ZFHX3: variants seen among roughly 807,000 people sequenced by gnomAD.
The protein encoded by ZFHX3 is zinc finger homeobox 3, also known as zinc finger homeobox protein 3.
ZFHX3 carries 42 observed loss-of-function variants against 279.1 expected under a neutral mutation model. The ratio of observed to expected loss-of-function variants is 0.15; its 90% CI spans 0.12 to 0.19. ZFHX3 has a LOEUF of 0.19. Among genes scored for constraint, ZFHX3 ranks in the 10% least tolerant of loss-of-function variants. The probability of loss-of-function intolerance (pLI) is 1.00; values close to 1 mark genes in which losing one functional copy is unlikely to be tolerated. For synonymous variants in ZFHX3, 2,293 were observed against 1,957.8 expected (o/e 1.17, Z -4.52); for missense variants, 4,981 against 4,754.0 (o/e 1.05, Z -1.40).
At chr16:72,813,942 A>C (rs1189161518) in intron 5 of ZFHX3, among the ~76,000 whole-genome samples, 2 of 152,150 alleles carry the variant, frequency 1.3e-5, no homozygotes, top group African/African-American at 2.4e-5. Flanking sequence ...GGAGTCCTTA[A>C]TTAATGTTTC....
intron 1 of ZFHX3, among the ~76,000 whole-genome samples, chr16:73,037,956 A>G (rs532316426): frequency 6.8e-4 from 104 of 152,340 alleles, no homozygotes; most frequent in African/African-American, 2.5e-3. Context: ...TTATCTGGGA[A>G]GCTGCACACC....
Position 72,858,803 on chromosome 16 carries a change from A to G in ZFHX3, c.3449-28944T>C, listed in dbSNP as rs2037814985. ...CACGAGCTGCCGCAACCTGGGCGAC[A>G]CAGAGGGCAGAGCCCCAGGCCCTGC... On this transcript the variant is annotated intron_variant, in intron 4 of 9. Coordinates refer to ENST00000268489, the MANE Select transcript of ZFHX3 (RefSeq NM_006885.4). 3.3e-5 allele frequency among the ~76,000 whole-genome samples: 5 copies of G among 152,354 alleles called. No homozygotes were observed. In the South Asian group the frequency reaches 1.0e-3, roughly 32 times the overall value.
At chr16:73,206,690 T>A (rs2011816883) in intron 5 of ZFHX3, among the ~76,000 whole-genome samples, 2 of 152,110 alleles carry the variant, frequency 1.3e-5, no homozygotes, top group Admixed American at 1.3e-4. Context: ...ATGGCCACCA[T>A]CTCGATATAC....
At chr16:73,327,556 G>C (rs536517268) in intron 3 of ZFHX3, among the ~76,000 whole-genome samples, 10 of 152,302 alleles carry the variant, frequency 6.6e-5, no homozygotes, top group Admixed American at 5.2e-4. Context: ...TCCTTACAAA[G>C]GTGGCACCTG....
At chr16:73,399,074 C>T (rs956573617) in intron 3 of ZFHX3, among the ~76,000 whole-genome samples, 23 of 141,210 alleles carry the variant, frequency 1.6e-4, no homozygotes, top group Admixed American at 5.8e-4. Context: ...ATCGGGGTTT[C>T]GCCATGTTGG....
chr16:73,725,990 G>C (rs1022295815), intron 1 of ZFHX3, among the ~76,000 whole-genome samples: 1 of 152,094 alleles, frequency 6.6e-6, no homozygotes, highest in Non-Finnish European at 1.5e-5. Flanking sequence ...AAATAAATAG[G>C]TTTCATTGCT....
chr16:73,836,460 C>T (rs892908733), intron 1 of ZFHX3, among the ~76,000 whole-genome samples: 1 of 152,236 alleles, frequency 6.6e-6, no homozygotes, highest in East Asian at 1.9e-4. Flanking sequence ...GGGATAGATT[C>T]AGGACTTGAG....
At chr16:73,571,647 T>TTA (rs1555525464) in intron 2 of ZFHX3, among the ~76,000 whole-genome samples, 1 of 151,792 alleles carries the variant, frequency 6.6e-6, no homozygotes, top group Non-Finnish European at 1.5e-5. Flanking sequence ...TAATTTTTTT[T>TTA]AAAAAACCTT....
At chr16:72,945,677 A>C (rs538878209) in intron 3 of ZFHX3, among the ~76,000 whole-genome samples, 17 of 152,220 alleles carry the variant, frequency 1.1e-4, no homozygotes, top group Non-Finnish European at 2.1e-4. Context: ...AAACAAAAAA[A>C]ATAGTCTAAT....
chr16:72,978,513 C>A (rs1962452062), intron 1 of ZFHX3, among the ~76,000 whole-genome samples: 1 of 152,170 alleles, frequency 6.6e-6, no homozygotes, highest in South Asian at 2.1e-4. Context: ...CACTCCCTGA[C>A]CGAGGTCTCG....
chr16:73,704,530 C>T (rs913903627), intron 1 of ZFHX3, among the ~76,000 whole-genome samples: 1 of 152,220 alleles, frequency 6.6e-6, no homozygotes, highest in African/African-American at 2.4e-5. Flanking sequence ...CTGTACTGCA[C>T]ATAAGACACT....
At chr16:73,015,040 C>CTTTTTTTTT (rs67778248) in intron 1 of ZFHX3, 3 of 95,122 alleles carry the variant, frequency 3.2e-5, no homozygotes, top group Admixed American at 2.2e-4. Context: ...AGAGCTGTGT[C>CTTTTTTTTT]TTTTTTTTTT....
At chr16:73,888,800 G>T (rs1384035117) in intron 1 of ZFHX3, among the ~76,000 whole-genome samples, 3 of 152,070 alleles carry the variant, frequency 2.0e-5, no homozygotes. Flanking sequence ...ATTCAGAGAG[G>T]CTGGGGTCCA....
chr16:72,925,760 T>G (rs1959416308), intron 3 of ZFHX3, among the ~76,000 whole-genome samples: 1 of 152,242 alleles, frequency 6.6e-6, no homozygotes, highest in African/African-American at 2.4e-5. Context: ...TCGGGCCTAC[T>G]CCTTCCCTGA....
intron 3 of ZFHX3, among the ~76,000 whole-genome samples, chr16:73,345,799 T>TTGA (rs751890494): frequency 8.2e-4 from 125 of 152,206 alleles, no homozygotes; most frequent in Admixed American, 1.2e-3. Context: ...CAATATGACG[T>TTGA]TGATCTGTGA....
chr16:73,189,965 T>G (rs1351910847), intron 5 of ZFHX3, among the ~76,000 whole-genome samples: 1 of 152,110 alleles, frequency 6.6e-6, no homozygotes, highest in African/African-American at 2.4e-5. Flanking sequence ...ACTAAAAGTC[T>G]AAAGACACAC....
intron 1 of ZFHX3, chr16:73,058,480 AGGCGGC>A (rs532746572): frequency 3.1e-5 from 5 of 159,076 alleles, no homozygotes; most frequent in Admixed American, 2.9e-4. Flanking sequence ...GAGGAGGAGC[AGGCGGC>A]GGCGGCGGCG....
chr16:73,419,730 G>A (rs533394467), intron 3 of ZFHX3, among the ~76,000 whole-genome samples: 11 of 151,804 alleles, frequency 7.2e-5, no homozygotes, highest in Non-Finnish European at 1.2e-4. Flanking sequence ...TCATAGGTGC[G>A]CCCCTCCGTG....
At chr16:73,727,573 G>C (rs2053530194) in intron 1 of ZFHX3, among the ~76,000 whole-genome samples, 1 of 152,188 alleles carries the variant, frequency 6.6e-6, no homozygotes. Context: ...AATGAGACCA[G>C]TTCTAATCAG....
Sources: gnomAD v4.1 joint callset for allele counts (sites outside exome capture counted in the v4.1 genomes callset) on GRCh38, gnomAD v4.1.1 for gene constraint, MANE v1.5 for transcripts, NCBI Gene and HGNC (gene_info 2026-07-23, HGNC 2026-07-21) for gene names.